MARCHF10: variants seen among roughly 807,000 people sequenced by gnomAD.
MARCHF10 encodes membrane associated ring-CH-type finger 10, also known as probable E3 ubiquitin-protein ligase MARCHF10.
A neutral mutation model predicts 76.2 loss-of-function variants in MARCHF10; 64 were observed. The observed-to-expected ratio is 0.84, with a 90% CI of 0.69 to 1.03. The LOEUF is 1.03. Among genes scored for constraint, MARCHF10 ranks in the 50% least tolerant of loss-of-function variants. The probability of loss-of-function intolerance (pLI) is 0.00; values close to 1 mark genes in which losing one functional copy is unlikely to be tolerated. For synonymous variants in MARCHF10, 340 were observed against 357.5 expected, an observed-to-expected ratio of 0.95 and a Z score of 0.55; for missense variants, 875 against 958.0, an observed-to-expected ratio of 0.91 and a Z score of 1.14.
chr17:62,760,024 C>T lies in MARCHF10; in HGVS notation c.211-18G>A, dbSNP rs202139359. 42 of 1,607,678 alleles carry T rather than the reference C, an allele frequency of 2.6e-5. No individual in the cohort carries two copies. The highest frequency in any genetic ancestry group is 1.7e-4 in the Middle Eastern group (1 of 5,896). Reference sequence around the variant, plus strand: ...CTAGAACTCTACCAAAAATGAAATACGTCTGAGTCTCAGTGGCCAAGTAGG... The same window carrying T: ...CTAGAACTCTACCAAAAATGAAATATGTCTGAGTCTCAGTGGCCAAGTAGG... On this transcript the variant is annotated intron_variant, in intron 3 of 10. Transcript: ENST00000311269.
In MARCHF10 at chr17:62,738,692, C is replaced by T. The variant is rs2091391537; in HGVS notation, c.536-1360G>A. Among the ~76,000 whole-genome samples, 1 of 152,150 alleles carries T rather than the reference C, an allele frequency of 6.6e-6. No individual in the cohort carries two copies. The highest frequency in any genetic ancestry group is 6.5e-5 in the Admixed American group (1 of 15,270). ...AATTGGGGCTCCTCACAGGGGGACA[C>T]CAGTGTGAGTCTCTAATGTCCTAAC... On this transcript the variant is annotated intron_variant, in intron 5 of 10. Transcript: ENST00000311269. This position sits in a 1 kb window ranked among gnomAD's most constrained non-coding sequence, Gnocchi z 4.0.
chr17:62,736,819 C>G lies in MARCHF10; in HGVS notation c.1049G>C (p.Ser350Thr), dbSNP rs1568134612. The stretch of plus-strand genomic sequence containing the variant: ...ATTGCTTATTCTCAATGAGCCATGA[C>G]TGGGCTCACTTCTTCTTGAAGAATG... The part of the protein sequence containing the change: ...RGHSSRRSEP[S>T]HGSLRISNAM... Residue 350 changes from serine (S) to threonine (T), a missense_variant, in exon 6 of 11, where the codon AGT becomes ACT. Transcript: ENST00000311269. The G allele has an allele frequency of 6.2e-7, 1 of 1,614,120 alleles. No homozygotes were observed. The highest frequency in any genetic ancestry group is 1.1e-5 in the South Asian group (1 of 91,078).
chr17:62,704,250 A>C (rs2089435497), intron 10 of MARCHF10, among the ~76,000 whole-genome samples: 2 of 151,810 alleles, frequency 1.3e-5, no homozygotes, highest in African/African-American at 4.8e-5. Context: ...TTTTCCCCGG[A>C]GGTGCGGCGT....
At chr17:62,751,202 G>A (rs2091887453) in intron 4 of MARCHF10, among the ~76,000 whole-genome samples, 1 of 152,208 alleles carries the variant, frequency 6.6e-6, no homozygotes, top group Non-Finnish European at 1.5e-5. Context: ...ATGAGTCAGA[G>A]CTACCCCCTC....
At position 62,719,101 on chromosome 17, in the gene MARCHF10, T is replaced by C. The variant is rs541247645; in HGVS notation, c.2214+3387A>G. On this transcript the variant is annotated intron_variant, in intron 8 of 10. Transcript: ENST00000311269. The stretch of plus-strand genomic sequence containing the variant: ...GTTGGCCAAAAAAAGGTCTGGTAAA[T>C]ATTAATTGACTGCTTATAAAGTGGA... Among the ~76,000 whole-genome samples the C allele has an allele frequency of 5.3e-5, 8 of 152,302 alleles. No homozygotes were observed. The South Asian group carries it at 1.7e-3, about 32-fold the overall frequency.
In MARCHF10 at chr17:62,705,541, T is replaced by A. The variant is rs771926646; in HGVS notation, c.2369A>T (p.Glu790Val). ...NYPQPRTEEN[E>V]NSELGDGNEG... is the part of the protein sequence containing the mutation. ...CAGGACTGGCCCCCAAAACCTACTT[T>A]CATTTTCCTCTGTTCTGGGTTGTGG... Residue 790 changes from glutamate to valine, a missense_variant and splice_region_variant, in exon 10 of 11, where the codon GAA becomes GTA. By Grantham distance (121) the Glu-to-Val change is moderately radical. Coordinates refer to ENST00000311269, the MANE Select transcript of MARCHF10 (RefSeq NM_152598.4). 1.2e-6 allele frequency: 2 copies of A among 1,614,214 alleles called. No homozygotes were observed. The highest frequency in any genetic ancestry group is 8.5e-7 in the Non-Finnish European group (1 of 1,180,032).
intron 3 of MARCHF10, among the ~76,000 whole-genome samples, chr17:62,782,728 T>G (rs1045566206): frequency 6.6e-6 from 1 of 152,146 alleles, no homozygotes; most frequent in Non-Finnish European, 1.5e-5. Context: ...TTTTGGGGGT[T>G]GAAGATTTCT....
At chr17:62,730,775 T>C (rs2147769030) in intron 6 of MARCHF10, among the ~76,000 whole-genome samples, 2 of 152,158 alleles carry the variant, frequency 1.3e-5, no homozygotes, top group Middle Eastern at 3.4e-3. Context: ...GCACCTGTAT[T>C]CCCAGCTACT....
Position 62,736,379 on chromosome 17 carries a change from G to C in MARCHF10, c.1489C>G (p.His497Asp), listed in dbSNP as rs1398736404. 5 of 1,614,172 alleles carry C rather than the reference G, an allele frequency of 3.1e-6. No individual in the cohort carries two copies. Among genetic ancestry groups the C allele is most frequent in the Non-Finnish European group, 3.4e-6 (4 of 1,180,040 alleles). The change falls in exon 6 of 11, where the codon CAC (histidine) becomes GAC (aspartate). Residue 497 changes from histidine to aspartate, a missense_variant. Physicochemically the swap from His to Asp is moderately conservative, Grantham distance 81 (BLOSUM62 -1). Transcript: ENST00000311269. ...GAGTTTCCCTCTGAGTCTGAGCTGT[G>C]AACTGAAGTCGATGACATTGACAAG... ...VDLSMSSTSV[H>D]SSDSEGNSGF...
intron 3 of MARCHF10, among the ~76,000 whole-genome samples, chr17:62,762,823 G>T (rs1462141967): frequency 6.6e-6 from 1 of 152,230 alleles, no homozygotes; most frequent in South Asian, 2.1e-4. Context: ...TGGGATTACA[G>T]GCGTAAGCCA....
At chr17:62,753,573 G>A (rs559381334) in intron 4 of MARCHF10, among the ~76,000 whole-genome samples, 268 of 152,298 alleles carry the variant, frequency 1.8e-3, no homozygotes, top group Non-Finnish European at 3.3e-3. Flanking sequence ...TGGAGCACAA[G>A]GCCCTAGATT....
chr17:62,715,829 CCT>C (rs1221020173), intron 8 of MARCHF10, among the ~76,000 whole-genome samples: 2 of 152,184 alleles, frequency 1.3e-5, no homozygotes, highest in African/African-American at 4.8e-5. Context: ...AGTTCAGTGC[CCT>C]GTTAGCACCT....
At chr17:62,717,708 G>A (rs1051178959) in intron 8 of MARCHF10, among the ~76,000 whole-genome samples, 6 of 152,194 alleles carry the variant, frequency 3.9e-5, no homozygotes, top group Admixed American at 6.5e-5. Context: ...TAGCTACAGC[G>A]CTCATGACCC....
chr17:62,786,515 A>AG (rs1445144526), intron 3 of MARCHF10, among the ~76,000 whole-genome samples: 1 of 152,236 alleles, frequency 6.6e-6, no homozygotes, highest in Non-Finnish European at 1.5e-5. Flanking sequence ...CATGTACCCT[A>AG]GTACTTAAAG....
At chr17:62,726,356 A>G (rs971058508) in intron 6 of MARCHF10, among the ~76,000 whole-genome samples, 5 of 152,248 alleles carry the variant, frequency 3.3e-5, no homozygotes, top group African/African-American at 4.8e-5. Context: ...ATGGAGAAAT[A>G]TATGCTCAAT....
intron 2 of MARCHF10, among the ~76,000 whole-genome samples, chr17:62,793,225 GCCA>G (rs1400193983): frequency 1.7e-3 from 49 of 28,984 alleles, no homozygotes; most frequent in African/African-American, 6.6e-3. Flanking sequence ...CACCTCCACT[GCCA>G]CCACCACCTC....
intron 6 of MARCHF10, among the ~76,000 whole-genome samples, chr17:62,731,012 G>A (rs984117234): frequency 3.9e-5 from 6 of 152,164 alleles, no homozygotes; most frequent in African/African-American, 1.4e-4. Context: ...AGACAGCAAA[G>A]CCCATATTTC....
rs1028993991 is a variant in MARCHF10 at position 62,725,215 on chromosome 17, C to T, written c.1938-111G>A. 1.9e-5 allele frequency: 18 copies of T among 930,544 alleles called. No individual in the cohort carries two copies. In the South Asian group the frequency reaches 2.2e-4, roughly 11 times the overall value. 57.6% of individuals were successfully genotyped at this position (930,544 alleles called of 1,614,324 possible). On this transcript the variant is annotated intron_variant, in intron 6 of 10. Transcript: ENST00000311269. ...AGGAAGAGGGCTCCTGGTACTCACC[C>T]GCTGCCCCCTCTGACCCTAGTGAGA...
intron 5 of MARCHF10, among the ~76,000 whole-genome samples, chr17:62,742,806 A>AT (rs1207791901): frequency 2.8e-4 from 42 of 148,472 alleles, no homozygotes; most frequent in African/African-American, 9.0e-4. Flanking sequence ...TAATTTATTT[A>AT]TTTTTTTTGG....
Sources: allele counts gnomAD v4.1 joint callset (sites outside exome capture counted in the v4.1 genomes callset), GRCh38; gene constraint gnomAD v4.1.1; non-coding constraint Gnocchi (gnomAD v3.1); transcripts MANE v1.5; gene names NCBI Gene and HGNC (gene_info 2026-07-23, HGNC 2026-07-21).